ANKS1B: variants seen among roughly 807,000 people sequenced by gnomAD.
ANKS1B encodes the protein ankyrin repeat and sterile alpha motif domain-containing protein 1B.
ANKS1B carries 36 observed loss-of-function variants against 148.3 expected under a neutral mutation model. The observed-to-expected ratio is 0.24, with a 90% CI of 0.19 to 0.32. The LOEUF (loss-of-function observed/expected upper bound fraction) is 0.32. ANKS1B is among the 10% of genes least tolerant of loss of function. The probability of loss-of-function intolerance (pLI) is 1.00; values close to 1 mark genes in which losing one functional copy is unlikely to be tolerated. For synonymous variants in ANKS1B, 542 were observed against 560.8 expected (o/e 0.97, Z 0.47); for missense variants, 1,157 against 1,542.6 (o/e 0.75, Z 4.19).
chr12:99,894,310 AGGGAGGGAGGGAGGGAGGG>A, intron 1 of ANKS1B, among the ~76,000 whole-genome samples: 1 of 33,698 alleles, frequency 3.0e-5, no homozygotes, highest in African/African-American at 1.2e-4. Context: ...GGAGGGAGGG[AGGGAGGGAGGGAGGGAGGG>A]AAAGAAAAGA....
At chr12:99,715,993 G>A (rs573707757) in intron 8 of ANKS1B, among the ~76,000 whole-genome samples, 4 of 152,226 alleles carry the variant, frequency 2.6e-5, no homozygotes, top group Non-Finnish European at 2.9e-5. Flanking sequence ...ATTTACCCAC[G>A]TTTCAGAGGT....
chr12:99,747,110 T>C (rs1464058115), intron 8 of ANKS1B, among the ~76,000 whole-genome samples: 1 of 152,054 alleles, frequency 6.6e-6, no homozygotes, highest in African/African-American at 2.4e-5. Flanking sequence ...TCCTTCAATA[T>C]ATCAAGCTTA....
chr12:99,637,804 A>T (rs1287770785), intron 9 of ANKS1B, among the ~76,000 whole-genome samples: 1 of 147,054 alleles, frequency 6.8e-6, no homozygotes, highest in Non-Finnish European at 1.5e-5. Context: ...TATATATATA[A>T]TATATATATA....
rs12423961 is a variant in ANKS1B at position 98,837,716 on chromosome 12, G to A, written c.2779-5580C>T. Reference sequence around the variant, plus strand: ...AGCTTACTTCAGAATATATGTCATAGCAAAGCTGAAAGTCAATGTACTTAA... The same window carrying A: ...AGCTTACTTCAGAATATATGTCATAACAAAGCTGAAAGTCAATGTACTTAA... On this transcript the variant is annotated intron_variant, in intron 17 of 26. Coordinates refer to ENST00000683438, the MANE Select transcript of ANKS1B (RefSeq NM_001352186.2). Among the ~76,000 whole-genome samples the A allele has an allele frequency of 8.1e-3, 1,235 of 152,178 alleles. 40 individuals carry two copies. The highest frequency in any genetic ancestry group is 0.064 in the East Asian group (331 of 5,176).
At chr12:99,415,034 T>C (rs10777980) in intron 11 of ANKS1B, among the ~76,000 whole-genome samples, 40,575 of 152,074 alleles carry the variant, frequency 0.27, 5,602 homozygotes, top group East Asian at 0.43. Context: ...GAGAGGATAA[T>C]AAAAGTTCTA....
rs183339747 is a variant in ANKS1B at position 99,422,072 on chromosome 12, C to A, written c.1575+21601G>T. On this transcript the variant is annotated intron_variant, in intron 11 of 26. Coordinates refer to ENST00000683438, the MANE Select transcript of ANKS1B (RefSeq NM_001352186.2). ...CTTGCACAGCCTGCAGAACCGTGAG[C>A]CAATTAAATCTGTTTTCTTTATAAA... 5.8e-3 allele frequency among the ~76,000 whole-genome samples: 882 copies of A among 152,264 alleles called. 5 individuals carry two copies. The highest frequency in any genetic ancestry group is 0.037 in the South Asian group (180 of 4,822).
chr12:99,698,490 C>A (rs2054272592), intron 8 of ANKS1B, among the ~76,000 whole-genome samples: 1 of 151,818 alleles, frequency 6.6e-6, no homozygotes, highest in South Asian at 2.1e-4. Context: ...GGGATTTTCA[C>A]CATGAAAGAA....
At chr12:99,859,897 C>T (rs1377203172) in intron 1 of ANKS1B, among the ~76,000 whole-genome samples, 3 of 152,194 alleles carry the variant, frequency 2.0e-5, no homozygotes, top group Admixed American at 1.3e-4. Context: ...AACTGCCTAC[C>T]TTGGCCTCCC....
chr12:99,018,252 C>G (rs1020270082), intron 17 of ANKS1B, among the ~76,000 whole-genome samples: 15 of 152,128 alleles, frequency 9.9e-5, no homozygotes, highest in African/African-American at 3.6e-4. Flanking sequence ...GAATTAATAT[C>G]CTTCTAAAAG....
intron 14 of ANKS1B, among the ~76,000 whole-genome samples, chr12:99,205,930 G>A (rs1039759789): frequency 6.6e-6 from 1 of 152,104 alleles, no homozygotes; most frequent in East Asian, 1.9e-4. Context: ...TGTCTGACAG[G>A]GTCAGGCAGA....
intron 17 of ANKS1B, among the ~76,000 whole-genome samples, chr12:98,932,527 C>A (rs939726450): frequency 6.6e-6 from 1 of 152,144 alleles, no homozygotes; most frequent in African/African-American, 2.4e-5. Flanking sequence ...TAGACAAGAA[C>A]AATATAATCC....
chr12:99,889,020 C>A (rs528396423), intron 1 of ANKS1B, among the ~76,000 whole-genome samples: 11 of 142,808 alleles, frequency 7.7e-5, no homozygotes, highest in African/African-American at 8.0e-5. Flanking sequence ...TGATTTTCCA[C>A]ACAAAATTTA....
chr12:99,615,251 T>C (rs562656081), intron 9 of ANKS1B, among the ~76,000 whole-genome samples: 3 of 151,808 alleles, frequency 2.0e-5, no homozygotes, highest in African/African-American at 7.2e-5. Flanking sequence ...CAAGAAAAAA[T>C]CATCAACATA....
chr12:99,507,053 T>C (rs1009073460), intron 9 of ANKS1B, among the ~76,000 whole-genome samples: 1 of 152,000 alleles, frequency 6.6e-6, no homozygotes. Context: ...CTGAACAGTC[T>C]CTAGTGTCCT....
chr12:99,858,660 G>T (rs1209004206), intron 1 of ANKS1B, among the ~76,000 whole-genome samples: 1 of 152,124 alleles, frequency 6.6e-6, no homozygotes, highest in African/African-American at 2.4e-5. Context: ...TAAAGAAAAT[G>T]TGGTAAATAT....
At chr12:98,737,989 A>G (rs1340334994) in intron 9 of ANKS1B, among the ~76,000 whole-genome samples, 1 of 152,204 alleles carries the variant, frequency 6.6e-6, no homozygotes, top group African/African-American at 2.4e-5. Flanking sequence ...TCCCCTTGGG[A>G]CCGTGGATAT....
intron 17 of ANKS1B, among the ~76,000 whole-genome samples, chr12:98,846,003 C>T (rs201391): frequency 4.3e-5 from 5 of 117,402 alleles, no homozygotes; most frequent in Non-Finnish European, 7.2e-5. Flanking sequence ...CACACACACA[C>T]ACATATATGT....
At chr12:99,215,061 A>G (rs922745087) in intron 14 of ANKS1B, among the ~76,000 whole-genome samples, 2 of 152,190 alleles carry the variant, frequency 1.3e-5, no homozygotes, top group Non-Finnish European at 2.9e-5. Flanking sequence ...GGAGCTCTTA[A>G]AAGCATTCAG....
chr12:98,859,257 T>C (rs1471653421), intron 17 of ANKS1B, among the ~76,000 whole-genome samples: 1 of 152,242 alleles, frequency 6.6e-6, no homozygotes, highest in African/African-American at 2.4e-5. Context: ...TATGTGATGG[T>C]ATCAGAGCCC....
Sources: allele counts gnomAD v4.1 joint callset (sites outside exome capture counted in the v4.1 genomes callset), GRCh38; gene constraint gnomAD v4.1.1; transcripts MANE v1.5; gene names NCBI Gene and HGNC (gene_info 2026-07-23, HGNC 2026-07-21).